Variants in ITGB3 observed in about 807,000 individuals in gnomAD.
The protein encoded by ITGB3 is integrin subunit beta 3, also known as integrin beta-3.
Under a neutral mutation model 85.8 loss-of-function variants are expected in ITGB3, and 48 were observed. The observed-to-expected ratio is 0.56, with a 90% CI of 0.44 to 0.71. The LOEUF (loss-of-function observed/expected upper bound fraction) is 0.71, where lower values mean the gene tolerates loss of function less well. ITGB3 is among the 30% of genes least tolerant of loss of function. The pLI is 0.00. For missense variants in ITGB3, 861 were observed against 1,019.1 expected, an observed-to-expected ratio of 0.84 and a Z score of 2.11; for synonymous variants, 363 against 395.6, an observed-to-expected ratio of 0.92 and a Z score of 0.98.
In ITGB3 at chr17:47,292,561, G is replaced by A. The variant is rs146310248; in HGVS notation, c.1683G>A (p.Met561Ile). Reference sequence around the variant, plus strand: ...CCTGTGTCCGCTACAAGGGGGAGATGTGCTCAGGTGAGGAGAACTGCAGGG... The same window carrying A: ...CCTGTGTCCGCTACAAGGGGGAGATATGCTCAGGTGAGGAGAACTGCAGGG... ...DFSCVRYKGE[M>I]CSGHGQCSCG... The change falls in exon 10 of 15, where the codon ATG becomes ATA. Residue 561 changes from methionine to isoleucine, a missense_variant. Transcript: ENST00000559488. 1.9e-6 allele frequency: 3 copies of A among 1,600,326 alleles called. No individual in the cohort carries two copies. The African/African-American group carries it at 4.0e-5, about 21-fold the overall frequency.
At chr17:47,307,876 T>C (rs2143151573) in intron 14 of ITGB3, among the ~76,000 whole-genome samples, 1 of 152,238 alleles carries the variant, frequency 6.6e-6, no homozygotes, top group South Asian at 2.1e-4. Context: ...AATAAATGGT[T>C]ACTTCCAGGC....
intron 1 of ITGB3, among the ~76,000 whole-genome samples, chr17:47,254,887 T>C (rs949451390): frequency 2.6e-5 from 4 of 152,066 alleles, no homozygotes; most frequent in African/African-American, 9.7e-5. Flanking sequence ...GACACAAGAG[T>C]GCATGTAAGT....
At chr17:47,306,903 C>G (rs2065190376) in intron 13 of ITGB3, among the ~76,000 whole-genome samples, 1 of 152,188 alleles carries the variant, frequency 6.6e-6, no homozygotes, top group Non-Finnish European at 1.5e-5. Flanking sequence ...TGGTCTCAAA[C>G]TCCTGACCTC....
chr17:47,310,010 T>C (rs933945720), intron 14 of ITGB3, 129 bp from the exon 15 acceptor site: 1 of 774,654 alleles, frequency 1.3e-6, no homozygotes, highest in Non-Finnish European at 2.3e-6. Flanking sequence ...ATGAACATTA[T>C]TCTGTTTCAT....
chr17:47,290,853 A>C, intron 8 of ITGB3, 101 bp from the exon 9 acceptor site: 13 of 1,395,790 alleles, frequency 9.3e-6, no homozygotes, highest in African/African-American at 1.4e-5. Flanking sequence ...GGGTGAGTCC[A>C]GAGCTACTTG....
At chr17:47,258,981 G>T (rs904781952) in intron 1 of ITGB3, among the ~76,000 whole-genome samples, 2 of 152,184 alleles carry the variant, frequency 1.3e-5, no homozygotes, top group Non-Finnish European at 2.9e-5. Flanking sequence ...GTCATCCTCC[G>T]TGTTGGAACA....
intron 1 of ITGB3, among the ~76,000 whole-genome samples, chr17:47,272,700 C>CCTTCT (rs2065049309): frequency 7.2e-6 from 1 of 139,620 alleles, no homozygotes; most frequent in Non-Finnish European, 1.5e-5. Context: ...TCTTTCTTTC[C>CCTTCT]TTCTTTCTTT....
chr17:47,310,427 T>G lies in ITGB3; in HGVS notation c.*223T>G, dbSNP rs986787580. On this transcript the variant is annotated 3_prime_UTR_variant, in exon 15 of 15. Transcript: ENST00000559488. ...TGTGTGGGAGTGTGTAATTTAAAAT[T>G]GTGATGTGTCCTGATAAGCTGAGCT... 4 of 632,622 alleles carry G rather than the reference T, an allele frequency of 6.3e-6. No individual in the cohort carries two copies. Among genetic ancestry groups the G allele is most frequent in the Non-Finnish European group, 1.2e-5 (4 of 344,672 alleles). 39.2% of individuals were successfully genotyped at this position (632,622 alleles called of 1,614,324 possible).
At chr17:47,309,825 G>A (rs1331374606) in intron 14 of ITGB3, among the ~76,000 whole-genome samples, 1 of 151,046 alleles carries the variant, frequency 6.6e-6, no homozygotes, top group African/African-American at 2.4e-5. Context: ...AGTCAGGGGA[G>A]GTGGAGGTTT....
At chr17:47,306,899 C>CA (rs2065190360) in intron 13 of ITGB3, among the ~76,000 whole-genome samples, 1 of 152,054 alleles carries the variant, frequency 6.6e-6, no homozygotes, top group African/African-American at 2.4e-5. Context: ...AGGCTGGTCT[C>CA]AAACTCCTGA....
At chr17:47,255,090 T>C (rs1389575647) in intron 1 of ITGB3, among the ~76,000 whole-genome samples, 1 of 152,100 alleles carries the variant, frequency 6.6e-6, no homozygotes, top group East Asian at 1.9e-4. Context: ...GCGATTCTTC[T>C]GGCTCAGCCT....
At chr17:47,288,230 GAGAGAGAGAGAAAGA>G (rs1567765398) in intron 6 of ITGB3, among the ~76,000 whole-genome samples, 1 of 142,912 alleles carries the variant, frequency 7.0e-6, no homozygotes, top group African/African-American at 2.9e-5. Context: ...GAGAGAGAGA[GAGAGAGAGAGAAAGA>G]GGGGAAAGAA....
chr17:47,260,033 G>A (rs1390614290), intron 1 of ITGB3, among the ~76,000 whole-genome samples: 2 of 152,084 alleles, frequency 1.3e-5, no homozygotes, highest in African/African-American at 2.4e-5. Flanking sequence ...TAATCAGGTG[G>A]TGTGTTCTGT....
In ITGB3 at chr17:47,310,193, C is replaced by G; in HGVS notation, c.2356C>G (p.Arg786Gly). The change falls in exon 15 of 15, where the codon CGG becomes GGG. Residue 786 changes from arginine (R) to glycine (G), a missense_variant. By Grantham distance (125) the Arg-to-Gly change is moderately radical (BLOSUM62 -2). Coordinates refer to ENST00000559488, the MANE Select transcript of ITGB3 (RefSeq NM_000212.3). ...GTCTACCTTCACCAATATCACGTAC[C>G]GGGGCACTTAATGATAAGCAGTCAT... ...ATSTFTNITY[R>G]GT The G allele has an allele frequency of 6.2e-7, 1 of 1,613,802 alleles. No individual in the cohort carries two copies. The highest frequency in any genetic ancestry group is 8.5e-7 in the Non-Finnish European group (1 of 1,179,840).
At chr17:47,254,425 C>T (rs1235499479) in intron 1 of ITGB3, among the ~76,000 whole-genome samples, 1 of 152,214 alleles carries the variant, frequency 6.6e-6, no homozygotes, top group African/African-American at 2.4e-5. Context: ...CCCACATTTC[C>T]AATTTCTCCT....
In ITGB3 at chr17:47,292,435, C is replaced by T. The variant is rs371103774; in HGVS notation, c.1557C>T (p.Pro519=). 14 of 1,609,520 alleles carry T rather than the reference C, an allele frequency of 8.7e-6. No homozygotes were observed. Among genetic ancestry groups the T allele is most frequent in the South Asian group, 1.1e-5 (1 of 90,908 alleles). The change falls in exon 10 of 15, where the codon CCC becomes CCT. Residue 519 remains proline (P), a synonymous_variant. Coordinates refer to ENST00000559488, the MANE Select transcript of ITGB3 (RefSeq NM_000212.3). ...QDECSPREGQ[P]VCSQRGECLC... ...AATGCAGCCCCCGGGAGGGTCAGCC[C>T]GTCTGCAGCCAGCGGGGCGAGTGCC...
At chr17:47,262,763 C>T (rs911772000) in intron 1 of ITGB3, among the ~76,000 whole-genome samples, 4 of 152,164 alleles carry the variant, frequency 2.6e-5, no homozygotes, top group Non-Finnish European at 2.9e-5. Flanking sequence ...GGCCCTTTCA[C>T]GTCTGACCCT....
At chr17:47,272,695 CTTT>C (rs2065049215) in intron 1 of ITGB3, among the ~76,000 whole-genome samples, 2 of 123,486 alleles carry the variant, frequency 1.6e-5, no homozygotes, top group African/African-American at 6.3e-5. Flanking sequence ...TTCTTTCTTT[CTTT>C]CCTTCTTTCT....
chr17:47,274,159 T>C (rs1429978590), intron 1 of ITGB3, among the ~76,000 whole-genome samples: 1 of 152,246 alleles, frequency 6.6e-6, no homozygotes, highest in Non-Finnish European at 1.5e-5. Flanking sequence ...CTTGCGTCCA[T>C]GGCTCAGCCT....
Sources: allele counts gnomAD v4.1 joint callset (sites outside exome capture counted in the v4.1 genomes callset), GRCh38; gene constraint gnomAD v4.1.1; transcripts MANE v1.5; gene names NCBI Gene and HGNC (gene_info 2026-07-23, HGNC 2026-07-21).